The following SLC12A6 variants were observed in gnomAD, a reference collection of about 807,000 sequenced individuals.
SLC12A6 encodes the protein solute carrier family 12 member 6.
SLC12A6 carries 66 observed loss-of-function variants against 135.3 expected under a neutral mutation model. The observed-to-expected ratio is 0.49, with a 90% confidence interval of 0.40 to 0.60. The LOEUF is 0.60. SLC12A6 is among the 20% of genes least tolerant of loss of function. SLC12A6 has a pLI of 0.00. For synonymous variants in SLC12A6, 513 were observed against 508.8 expected (o/e 1.01, Z -0.11); for missense variants, 1,058 against 1,452.3 (o/e 0.73, Z 4.41).
intron 2 of SLC12A6, among the ~76,000 whole-genome samples, chr15:34,288,908 TAC>T (rs1427136217): frequency 1.3e-5 from 2 of 152,328 alleles, no homozygotes; most frequent in Non-Finnish European, 2.9e-5. Flanking sequence ...GTTTTCTAAA[TAC>T]ACAATCATGT....
intron 2 of SLC12A6, among the ~76,000 whole-genome samples, chr15:34,307,773 G>A (rs1435836335): frequency 6.6e-6 from 1 of 152,096 alleles, no homozygotes; most frequent in Non-Finnish European, 1.5e-5. Context: ...AGAAAGTTGA[G>A]ATGAAGAAAA....
intron 2 of SLC12A6, among the ~76,000 whole-genome samples, chr15:34,304,826 A>C (rs1468310415): frequency 2.0e-5 from 3 of 152,198 alleles, no homozygotes; most frequent in Non-Finnish European, 4.4e-5. Context: ...CATTTACATA[A>C]TACATTCCCA....
chr15:34,245,657 G>GA (rs762911792), intron 14 of SLC12A6, 36 bp downstream of exon 14: 11 of 1,553,138 alleles, frequency 7.1e-6, no homozygotes, highest in African/African-American at 5.4e-5. Flanking sequence ...TTAAAGCTGG[G>GA]AAAAAAAGAA....
At position 34,231,485 on chromosome 15, in the gene SLC12A6, C is replaced by G. The variant is rs941897588; in HGVS notation, c.*2396G>C. ...TGCTTCTACCATCTGTAGGAAGTAA[C>G]AGAAAAAAAGACTTAAGATCCTATC... On this transcript the variant is annotated 3_prime_UTR_variant, in exon 26 of 26. Transcript: ENST00000354181. The G allele has an allele frequency of 4.6e-5, 7 of 151,858 alleles. No homozygotes were observed. The highest frequency in any genetic ancestry group is 1.4e-4 in the African/African-American group (6 of 41,432). 9.4% of individuals were successfully genotyped at this position (151,858 alleles called of 1,614,324 possible).
intron 2 of SLC12A6, among the ~76,000 whole-genome samples, chr15:34,320,563 T>A (rs1335347524): frequency 6.6e-6 from 1 of 152,040 alleles, no homozygotes; most frequent in African/African-American, 2.4e-5. Context: ...GATAACTGAT[T>A]TATGCTAGCA....
intron 24 of SLC12A6, 101 bp downstream of exon 24, chr15:34,235,914 A>G: frequency 1.1e-6 from 1 of 912,726 alleles, no homozygotes; most frequent in South Asian, 1.3e-5. Flanking sequence ...GGCTAGATTC[A>G]GGGTGAAATG....
intron 2 of SLC12A6, among the ~76,000 whole-genome samples, chr15:34,296,571 T>C (rs1323815691): frequency 1.3e-5 from 2 of 152,222 alleles, no homozygotes; most frequent in East Asian, 3.8e-4. Flanking sequence ...GATAATTATC[T>C]AAGGCACAAG....
chr15:34,242,263 A>C, intron 16 of SLC12A6, 42 bp from the exon 17 acceptor site: 1 of 1,476,180 alleles, frequency 6.8e-7, no homozygotes, highest in Non-Finnish European at 9.5e-7. Context: ...AAAGTAGCTG[A>C]AAAAGAAGCC....
chr15:34,285,508 GTTT>G (rs746968107), intron 2 of SLC12A6, among the ~76,000 whole-genome samples: 1 of 143,354 alleles, frequency 7.0e-6, no homozygotes. Context: ...GCTTATGATG[GTTT>G]TTTTTTTTTT....
intron 13 of SLC12A6, among the ~76,000 whole-genome samples, chr15:34,246,412 T>G (rs193237611): frequency 6.6e-6 from 1 of 152,300 alleles, no homozygotes; most frequent in Admixed American, 6.5e-5. Context: ...GGTATCAAAA[T>G]ATCTGCTTTT....
At chr15:34,297,811 T>C (rs1012469631) in intron 2 of SLC12A6, among the ~76,000 whole-genome samples, 1 of 152,110 alleles carries the variant, frequency 6.6e-6, no homozygotes, top group Non-Finnish European at 1.5e-5. Flanking sequence ...CTAAAGGAGA[T>C]GGAAAACAAC....
intron 2 of SLC12A6, among the ~76,000 whole-genome samples, chr15:34,312,648 A>C (rs1472955316): frequency 6.6e-6 from 1 of 152,216 alleles, no homozygotes; most frequent in Admixed American, 6.5e-5. Flanking sequence ...GAAATTAAGC[A>C]GGGTTCTAAT....
intron 2 of SLC12A6, among the ~76,000 whole-genome samples, chr15:34,318,036 A>G (rs529942541): frequency 3.3e-5 from 5 of 152,290 alleles, no homozygotes; most frequent in African/African-American, 4.8e-5. Flanking sequence ...AAATTCTTAG[A>G]CCATTCATTA....
intron 2 of SLC12A6, among the ~76,000 whole-genome samples, chr15:34,305,717 G>A (rs1225283687): frequency 6.6e-6 from 1 of 151,466 alleles, no homozygotes; most frequent in Non-Finnish European, 1.5e-5. Flanking sequence ...CTTAAATGTG[G>A]CCCATTATTA....
intron 13 of SLC12A6, among the ~76,000 whole-genome samples, 170 bp downstream of exon 13, chr15:34,250,128 C>T (rs902555371): frequency 6.6e-6 from 1 of 152,226 alleles, no homozygotes; most frequent in Non-Finnish European, 1.5e-5. Flanking sequence ...TGGTCTTGAA[C>T]TCCTGAGCTC....
chr15:34,289,406 T>C (rs867564921), intron 2 of SLC12A6, among the ~76,000 whole-genome samples: 74 of 151,904 alleles, frequency 4.9e-4, no homozygotes, highest in African/African-American at 1.7e-3. Context: ...TTGAGGATTT[T>C]TGCATCAATG....
At chr15:34,263,937 C>G (rs554065034) in intron 3 of SLC12A6, among the ~76,000 whole-genome samples, 1 of 151,734 alleles carries the variant, frequency 6.6e-6, no homozygotes, top group East Asian at 1.9e-4. Context: ...AAATGATATT[C>G]TGAAAAAGTC....
Position 34,273,212 on chromosome 15 carries a change from G to A in SLC12A6, c.316+2133C>T, listed in dbSNP as rs530665400. Among the ~76,000 whole-genome samples the A allele has an allele frequency of 1.9e-3, 296 of 152,200 alleles. 1 individual carries two copies. The highest frequency in any genetic ancestry group is 3.4e-3 in the Non-Finnish European group (231 of 68,010). The stretch of plus-strand genomic sequence containing the variant: ...CTAAAAATACAAAAATGAGCCAGGC[G>A]CTGTGGCGTGCACCTGTAGTCCCAG... On this transcript the variant is annotated intron_variant, in intron 3 of 25. Transcript: ENST00000354181.
intron 2 of SLC12A6, among the ~76,000 whole-genome samples, chr15:34,309,260 C>T (rs796082769): frequency 2.0e-5 from 3 of 152,114 alleles, no homozygotes; most frequent in Admixed American, 6.5e-5. Context: ...AATTTGTTAA[C>T]CTATGCCATA....
Sources: allele counts gnomAD v4.1 joint callset (sites outside exome capture counted in the v4.1 genomes callset), GRCh38; gene constraint gnomAD v4.1.1; transcripts MANE v1.5; gene names NCBI Gene and HGNC (gene_info 2026-07-23, HGNC 2026-07-21).